The following DAB1 variants were observed in gnomAD, a reference collection of about 807,000 sequenced individuals.
DAB1 encodes disabled homolog 1.
Under a neutral mutation model 64.6 loss-of-function variants are expected in DAB1, and 15 were observed. The ratio of observed to expected loss-of-function variants is 0.23; its 90% confidence interval spans 0.16 to 0.36. DAB1 has a LOEUF of 0.36. DAB1 is among the 10% of genes least tolerant of loss of function. The probability of loss-of-function intolerance (pLI) is 1.00; values close to 1 mark genes in which losing one functional copy is unlikely to be tolerated. For missense variants in DAB1, 596 were observed against 706.7 expected (o/e 0.84, Z 1.78); for synonymous variants, 235 against 251.9 (o/e 0.93, Z 0.64).
intron 2 of DAB1, among the ~76,000 whole-genome samples, chr1:57,247,776 A>G (rs1668998468): frequency 6.6e-6 from 1 of 152,162 alleles, no homozygotes; most frequent in African/African-American, 2.4e-5. Context: ...CTTGGCCCAT[A>G]AAGACCACTT....
At chr1:57,699,294 AG>A (rs1646880982) in intron 6 of DAB1, among the ~76,000 whole-genome samples, 2 of 152,166 alleles carry the variant, frequency 1.3e-5, no homozygotes, top group African/African-American at 2.4e-5. Flanking sequence ...TCACATCTTT[AG>A]GAAATAAGGG....
At chr1:57,881,242 C>G (rs1404580546) in intron 1 of DAB1, among the ~76,000 whole-genome samples, 1 of 152,222 alleles carries the variant, frequency 6.6e-6, no homozygotes, top group East Asian at 1.9e-4. Flanking sequence ...ACTGCCACTA[C>G]TGCTGGGTTA....
At chr1:58,127,301 G>C (rs747221869) in intron 5 of DAB1, among the ~76,000 whole-genome samples, 2 of 151,994 alleles carry the variant, frequency 1.3e-5, no homozygotes, top group South Asian at 2.1e-4. Context: ...CTTTTTGATG[G>C]GGTTGTTTGT....
At chr1:57,660,291 T>A (rs1440845193) in intron 6 of DAB1, among the ~76,000 whole-genome samples, 2 of 152,098 alleles carry the variant, frequency 1.3e-5, no homozygotes, top group Non-Finnish European at 2.9e-5. Context: ...AGCAAATAAA[T>A]CATGACCAAA....
chr1:58,137,776 T>G (rs1654030509), intron 5 of DAB1, among the ~76,000 whole-genome samples: 1 of 152,326 alleles, frequency 6.6e-6, no homozygotes, highest in Admixed American at 6.5e-5. Flanking sequence ...TAGGCCAGAC[T>G]TCTGCTCCAT....
chr1:57,949,798 A>G (rs1645244602), intron 5 of DAB1, among the ~76,000 whole-genome samples: 2 of 152,182 alleles, frequency 1.3e-5, no homozygotes, highest in African/African-American at 4.8e-5. Context: ...AGGAGCTGCA[A>G]AAGTTCCAGT....
chr1:57,253,621 A>T (rs564362785), intron 2 of DAB1, among the ~76,000 whole-genome samples: 1 of 152,264 alleles, frequency 6.6e-6, no homozygotes, highest in South Asian at 2.1e-4. Context: ...AAATAAAACA[A>T]CTAAAACACC....
chr1:58,225,316 G>T (rs1659406570), intron 4 of DAB1, among the ~76,000 whole-genome samples: 1 of 152,172 alleles, frequency 6.6e-6, no homozygotes, highest in African/African-American at 2.4e-5. Flanking sequence ...GAAACTACAG[G>T]TGCTGAAGAG....
intron 1 of DAB1, among the ~76,000 whole-genome samples, chr1:57,841,068 T>C (rs1351205161): frequency 1.3e-5 from 2 of 151,950 alleles, no homozygotes; most frequent in African/African-American, 4.8e-5. Flanking sequence ...ACAATGGGGG[T>C]ACAGGAATTG....
chr1:58,013,178 G>A (rs949412560), intron 5 of DAB1, among the ~76,000 whole-genome samples: 1 of 152,134 alleles, frequency 6.6e-6, no homozygotes, highest in African/African-American at 2.4e-5. Context: ...TTTTAGGATC[G>A]TTACAGCAGC....
intron 6 of DAB1, among the ~76,000 whole-genome samples, chr1:57,651,187 T>TAC (rs1320591113): frequency 3.3e-5 from 5 of 151,984 alleles, no homozygotes; most frequent in African/African-American, 7.2e-5. Flanking sequence ...GTTAAAAATA[T>TAC]ACACACACAC....
chr1:57,827,781 G>T (rs1652416146), intron 1 of DAB1, among the ~76,000 whole-genome samples: 1 of 152,148 alleles, frequency 6.6e-6, no homozygotes, highest in Non-Finnish European at 1.5e-5. Flanking sequence ...TATCACAAAG[G>T]CGGCACTGGG....
chr1:57,973,510 G>T (rs562171018), intron 5 of DAB1, among the ~76,000 whole-genome samples: 1 of 152,260 alleles, frequency 6.6e-6, no homozygotes, highest in East Asian at 1.9e-4. Flanking sequence ...ACATTACATA[G>T]ACATGTCAAA....
intron 1 of DAB1, among the ~76,000 whole-genome samples, chr1:57,402,119 G>A (rs1252700269): frequency 6.6e-6 from 1 of 152,154 alleles, no homozygotes; most frequent in Non-Finnish European, 1.5e-5. Flanking sequence ...TCACGGTACA[G>A]TAGATGTTAG....
intron 4 of DAB1, among the ~76,000 whole-genome samples, chr1:58,216,489 T>C (rs554921362): frequency 6.6e-6 from 1 of 152,352 alleles, no homozygotes; most frequent in East Asian, 1.9e-4. Context: ...GCAATAAACA[T>C]ATGTGTGCAT....
chr1:57,419,451 C>G (rs546823701), intron 1 of DAB1, among the ~76,000 whole-genome samples: 1 of 151,454 alleles, frequency 6.6e-6, no homozygotes, highest in African/African-American at 2.4e-5. Flanking sequence ...TCCACAACTC[C>G]TCTTCACAAA....
chr1:58,034,162 ACT>A (rs1647010577), intron 5 of DAB1, among the ~76,000 whole-genome samples: 1 of 152,098 alleles, frequency 6.6e-6, no homozygotes, highest in South Asian at 2.1e-4. Flanking sequence ...TCACTCTCTC[ACT>A]CTCTGGCTCT....
chr1:58,090,794 G>A (rs1013765883), intron 5 of DAB1, among the ~76,000 whole-genome samples: 3 of 152,176 alleles, frequency 2.0e-5, no homozygotes, highest in African/African-American at 4.8e-5. Context: ...GACTAACAAG[G>A]AGGCAATTTC....
chr1:57,464,557 T>C (rs1488193916), intron 7 of DAB1, among the ~76,000 whole-genome samples: 1 of 152,178 alleles, frequency 6.6e-6, no homozygotes, highest in Non-Finnish European at 1.5e-5. Context: ...GTTTGTTTCA[T>C]TCATTAGTGT....
Sources: gnomAD v4.1 joint callset for allele counts (sites outside exome capture counted in the v4.1 genomes callset) on GRCh38, gnomAD v4.1.1 for gene constraint, MANE v1.5 for transcripts, NCBI Gene and HGNC (gene_info 2026-07-23, HGNC 2026-07-21) for gene names.